The following RBFOX1 variants were observed in gnomAD, a reference collection of about 807,000 sequenced individuals.
RBFOX1 encodes the protein RNA binding protein fox-1 homolog 1.
RBFOX1 carries 8 observed loss-of-function variants against 57.7 expected under a neutral mutation model. That is an observed-to-expected ratio of 0.14 (90% CI 0.08 to 0.25). RBFOX1 has a LOEUF of 0.25. Ranked by LOEUF, RBFOX1 falls within the 10% of genes least tolerant of loss-of-function variation. RBFOX1 has a pLI of 1.00. For synonymous variants in RBFOX1, 326 were observed against 222.4 expected (o/e 1.47, Z -4.15); for missense variants, 611 against 548.5 (o/e 1.11, Z -1.14).
chr16:6,778,316 T>A (rs8046071), intron 3 of RBFOX1, among the ~76,000 whole-genome samples: 92,252 of 151,990 alleles, frequency 0.61, 28,279 homozygotes, highest in East Asian at 0.68. Context: ...AGTAACATGA[T>A]TCCTCATGTA....
intron 3 of RBFOX1, among the ~76,000 whole-genome samples, chr16:6,978,300 A>G (rs901257430): frequency 1.3e-5 from 2 of 152,216 alleles, no homozygotes; most frequent in Admixed American, 6.5e-5. Context: ...TTGTGGTACT[A>G]TGCAAGAAAT....
chr16:5,537,541 T>G (rs56222783), intron 2 of RBFOX1, among the ~76,000 whole-genome samples: 47,971 of 152,116 alleles, frequency 0.32, 8,876 homozygotes, highest in East Asian at 0.85. Flanking sequence ...CTTGCTTATA[T>G]GTGTTGTTGG....
At chr16:6,939,436 C>A (rs935197359) in intron 3 of RBFOX1, among the ~76,000 whole-genome samples, 1 of 150,110 alleles carries the variant, frequency 6.7e-6, no homozygotes, top group Non-Finnish European at 1.5e-5. Context: ...TAGTAGACAT[C>A]TGTTTTTATC....
chr16:6,883,560 G>C (rs1240071339), intron 3 of RBFOX1, among the ~76,000 whole-genome samples: 1 of 152,164 alleles, frequency 6.6e-6, no homozygotes, highest in Admixed American at 6.5e-5. Flanking sequence ...ATATGTAACT[G>C]CTCAGCTTAC....
intron 3 of RBFOX1, among the ~76,000 whole-genome samples, chr16:6,883,216 C>T (rs1272873155): frequency 6.6e-6 from 1 of 152,184 alleles, no homozygotes; most frequent in Non-Finnish European, 1.5e-5. Context: ...AAGTACTTAG[C>T]TTAGAAATCT....
chr16:5,729,800 G>A (rs2052295241), intron 3 of RBFOX1, among the ~76,000 whole-genome samples: 3 of 152,170 alleles, frequency 2.0e-5, no homozygotes, highest in South Asian at 2.1e-4. Flanking sequence ...AAGGTGAATA[G>A]CAAGGTTTTG....
intron 2 of RBFOX1, among the ~76,000 whole-genome samples, chr16:6,378,572 C>A (rs954826990): frequency 6.6e-6 from 1 of 152,096 alleles, no homozygotes; most frequent in East Asian, 1.9e-4. Context: ...ACATGCCCAC[C>A]CCCATTTCTA....
intron 1 of RBFOX1, among the ~76,000 whole-genome samples, chr16:5,376,796 A>G (rs1309021070): frequency 6.6e-6 from 1 of 151,510 alleles, no homozygotes; most frequent in Non-Finnish European, 1.5e-5. Flanking sequence ...GTAGACCAGA[A>G]GTGTCAGAGA....
intron 1 of RBFOX1, among the ~76,000 whole-genome samples, chr16:6,248,810 A>T (rs935364398): frequency 2.6e-5 from 4 of 152,194 alleles, no homozygotes; most frequent in Admixed American, 2.6e-4. Context: ...CTGTCTTCGC[A>T]TCCATAGCCA....
intron 3 of RBFOX1, among the ~76,000 whole-genome samples, chr16:5,730,389 C>G (rs974870913): frequency 2.0e-5 from 3 of 152,022 alleles, no homozygotes; most frequent in African/African-American, 7.2e-5. Flanking sequence ...CAAGCACCGT[C>G]TCCCTGAGAG....
chr16:6,081,370 T>G (rs949710355), intron 1 of RBFOX1, among the ~76,000 whole-genome samples: 3 of 152,214 alleles, frequency 2.0e-5, no homozygotes, highest in African/African-American at 7.2e-5. Flanking sequence ...TTCAGGTCTC[T>G]GTTATCTTGT....
At chr16:6,562,856 C>CTTTTTTTTTTTTTTTTTTTTTTTTTTTT (rs1567693438) in intron 2 of RBFOX1, among the ~76,000 whole-genome samples, 1 of 50,316 alleles carries the variant, frequency 2.0e-5, no homozygotes, top group African/African-American at 1.1e-4. Context: ...TTCTTTCTTT[C>CTTTTTTTTTTTTTTTTTTTTTTTTTTTT]TTTCTTTCTT....
At chr16:6,063,094 A>C (rs1319846143) in intron 1 of RBFOX1, among the ~76,000 whole-genome samples, 3 of 152,194 alleles carry the variant, frequency 2.0e-5, no homozygotes, top group Non-Finnish European at 4.4e-5. Flanking sequence ...TCACAGAAAC[A>C]CGTAGATGAA....
chr16:6,334,099 C>G (rs895936553), intron 2 of RBFOX1, among the ~76,000 whole-genome samples: 1 of 152,038 alleles, frequency 6.6e-6, no homozygotes, highest in Non-Finnish European at 1.5e-5. Context: ...GAAATAACAA[C>G]TTGGAGAGGA....
chr16:6,613,402 G>T (rs1005258229), intron 2 of RBFOX1, among the ~76,000 whole-genome samples: 4 of 152,030 alleles, frequency 2.6e-5, no homozygotes, highest in African/African-American at 7.2e-5. Context: ...CAAAGCGGGG[G>T]AATGATTTCT....
At chr16:7,702,813 TGCAA>T (rs2081204365) in intron 14 of RBFOX1, among the ~76,000 whole-genome samples, 1 of 152,190 alleles carries the variant, frequency 6.6e-6, no homozygotes, top group African/African-American at 2.4e-5. Flanking sequence ...CCAGCAACAA[TGCAA>T]ACCAAAGGAT....
intron 3 of RBFOX1, among the ~76,000 whole-genome samples, chr16:6,886,206 C>A (rs772219623): frequency 1.3e-5 from 2 of 151,794 alleles, no homozygotes; most frequent in African/African-American, 2.4e-5. Flanking sequence ...GGATTACAGG[C>A]GTGTGCTACC....
At chr16:5,449,203 C>T (rs1230196204) in intron 1 of RBFOX1, among the ~76,000 whole-genome samples, 1 of 152,132 alleles carries the variant, frequency 6.6e-6, no homozygotes, top group Non-Finnish European at 1.5e-5. Flanking sequence ...CATCAGAGCC[C>T]TGCAGTCCTG....
intron 1 of RBFOX1, among the ~76,000 whole-genome samples, chr16:5,296,788 CCTGT>C (rs1275444304): frequency 1.3e-5 from 2 of 151,766 alleles, no homozygotes; most frequent in Non-Finnish European, 2.9e-5. Flanking sequence ...AAGCAATTCT[CCTGT>C]CTCAGCCTCC....
Sources: allele counts gnomAD v4.1 joint callset (sites outside exome capture counted in the v4.1 genomes callset), GRCh38; gene constraint gnomAD v4.1.1; transcripts MANE v1.5; gene names NCBI Gene and HGNC (gene_info 2026-07-23, HGNC 2026-07-21).